The following ZNF562 variants were observed in gnomAD, a reference collection of about 807,000 sequenced individuals.
The protein encoded by ZNF562 is zinc finger protein 562.
Under a neutral mutation model 17.5 loss-of-function variants are expected in ZNF562, and 13 were observed. That is an observed-to-expected ratio of 0.74 (90% confidence interval 0.48 to 1.18). The LOEUF is 1.18. Among genes scored for constraint, ZNF562 ranks in the 50% most tolerant of loss-of-function variants. ZNF562 has a pLI of 0.00. For missense variants in ZNF562, 481 were observed against 498.5 expected, an observed-to-expected ratio of 0.96 and a Z score of 0.33; for synonymous variants, 163 against 165.4, an observed-to-expected ratio of 0.99 and a Z score of 0.11.
intron 1 of ZNF562, among the ~76,000 whole-genome samples, chr19:9,664,588 G>A (rs779915355): frequency 6.6e-6 from 1 of 152,166 alleles, no homozygotes; most frequent in Non-Finnish European, 1.5e-5. Flanking sequence ...GCACGGTTTG[G>A]CTTATGGATG....
At chr19:9,657,732 A>G (rs2043564682) in intron 4 of ZNF562, among the ~76,000 whole-genome samples, 1 of 151,792 alleles carries the variant, frequency 6.6e-6, no homozygotes, top group African/African-American at 2.4e-5. Flanking sequence ...CATTTTTAGT[A>G]GAGACAGGGT....
chr19:9,657,927 G>C, intron 4 of ZNF562, 82 bp downstream of exon 4: 1 of 1,496,184 alleles, frequency 6.7e-7, no homozygotes, highest in Non-Finnish European at 9.0e-7. Context: ...CCAGGCTCCA[G>C]CGATTCTCCC....
At position 9,649,800 on chromosome 19, in the gene ZNF562, A is replaced by C. The variant is rs573115285; in HGVS notation, c.*3149T>G. On this transcript the variant is annotated 3_prime_UTR_variant, in exon 6 of 6. Coordinates refer to ENST00000453372, the MANE Select transcript of ZNF562 (RefSeq NM_001130031.2). ...TCCACTTGCCTTGTGATATTCTATT[A>C]CCTTGTAAAGTACTTGATGTCTGTG... The C allele has an allele frequency of 5.3e-5, 8 of 152,226 alleles. 1 individual carries two copies. In the East Asian group the frequency reaches 1.5e-3, roughly 29 times the overall value. The allele number at this position is 152,226 out of a possible 1,614,324, so 9.4% of individuals were successfully genotyped here.
intron 5 of ZNF562, among the ~76,000 whole-genome samples, chr19:9,654,361 T>G (rs1190235762): frequency 2.0e-5 from 3 of 152,172 alleles, no homozygotes; most frequent in Admixed American, 6.6e-5. Flanking sequence ...TGATCATGGC[T>G]CACTGTAACC....
At chr19:9,661,719 C>T (rs556995831) in intron 1 of ZNF562, among the ~76,000 whole-genome samples, 53 of 152,184 alleles carry the variant, frequency 3.5e-4, no homozygotes, top group African/African-American at 1.1e-3. Context: ...CGCTTGACCC[C>T]GGGAGGTGGA....
intron 1 of ZNF562, among the ~76,000 whole-genome samples, chr19:9,669,483 G>C (rs200682735): frequency 6.6e-6 from 1 of 152,126 alleles, no homozygotes. Flanking sequence ...ATGGTGAAAA[G>C]ATAATCCTTG....
Position 9,650,141 on chromosome 19 carries a change from A to G in ZNF562, c.*2808T>C, listed in dbSNP as rs2144949257. 6.6e-6 allele frequency: 1 copy of G among 152,298 alleles called. No homozygotes were observed. The highest frequency in any genetic ancestry group is 1.5e-5 in the Non-Finnish European group (1 of 68,034). The allele number at this position is 152,298 out of a possible 1,614,324, so 9.4% of individuals were successfully genotyped here. Reference sequence around the variant, plus strand: ...AGAGTGCATATCTCACCAGAACTGCAAAGACAAGTATGCTGGTATTACTAC... The same window carrying G: ...AGAGTGCATATCTCACCAGAACTGCGAAGACAAGTATGCTGGTATTACTAC... On this transcript the variant is annotated 3_prime_UTR_variant, in exon 6 of 6. Transcript: ENST00000453372.
At chr19:9,662,932 C>G (rs972477326) in intron 1 of ZNF562, among the ~76,000 whole-genome samples, 1 of 151,346 alleles carries the variant, frequency 6.6e-6, no homozygotes, top group African/African-American at 2.4e-5. Context: ...GAGAATCACT[C>G]GAACCCGGGA....
In ZNF562 at chr19:9,655,717, C is replaced by CTTT. The variant is rs58199071; in HGVS notation, c.348+827_348+829dup. Among the ~76,000 whole-genome samples, 216 of 48,682 alleles carry CTTT rather than the reference C, an allele frequency of 4.4e-3. 4 individuals carry two copies. The highest frequency in any genetic ancestry group is 5.0e-3 in the Non-Finnish European group (142 of 28,138). The allele number at this position is 48,682 out of a possible 152,430, so 31.9% of individuals were successfully genotyped here. ...TTACAGGATTCACTTTCTTTTCTTT[C>CTTT]TTTTTTTTTTTTTTTTTTTTTTTTT... On this transcript the variant is annotated intron_variant, in intron 5 of 5. Coordinates refer to ENST00000453372, the MANE Select transcript of ZNF562 (RefSeq NM_001130031.2).
intron 3 of ZNF562, 162 bp from the exon 4 acceptor site, chr19:9,658,297 A>C (rs1053587687): frequency 3.6e-5 from 35 of 985,246 alleles, no homozygotes; most frequent in Admixed American, 2.5e-4. Context: ...TGTCTAAACA[A>C]TCAAGGTTGA....
Position 9,652,760 on chromosome 19 carries a change from T to TA in ZNF562, c.*188dup, listed in dbSNP as rs2074888660. Reference sequence around the variant, plus strand: ...TAATTAAAGATGGCAACCAATGGGCTAAATGGTAACAACACTCATATCCTT... The same window carrying TA: ...TAATTAAAGATGGCAACCAATGGGCTAAAATGGTAACAACACTCATATCCTT... On this transcript the variant is annotated 3_prime_UTR_variant, in exon 6 of 6. Coordinates refer to ENST00000453372, the MANE Select transcript of ZNF562 (RefSeq NM_001130031.2). 1 of 499,114 alleles carries TA rather than the reference T, an allele frequency of 2.0e-6. No individual in the cohort carries two copies. The highest frequency in any genetic ancestry group is 3.3e-6 in the Non-Finnish European group (1 of 298,648). The allele number at this position is 499,114 out of a possible 1,614,324, so 30.9% of individuals were successfully genotyped here.
In ZNF562 at chr19:9,660,578, C is replaced by A. The variant is rs541979053; in HGVS notation, c.25+142G>T. The A allele has an allele frequency of 3.2e-5, 25 of 769,344 alleles. No individual in the cohort carries two copies. In the African/African-American group the frequency reaches 4.1e-4, roughly 13 times the overall value. 47.7% of individuals were successfully genotyped at this position (769,344 alleles called of 1,614,324 possible). On this transcript the variant is annotated intron_variant, in intron 2 of 5. Coordinates refer to ENST00000453372, the MANE Select transcript of ZNF562 (RefSeq NM_001130031.2). Reference sequence around the variant, plus strand: ...CTAAGATCATGCCATTGCACTTCAGCCTGGGCAACAAGAGCAAAACTCCAT... The same window carrying A: ...CTAAGATCATGCCATTGCACTTCAGACTGGGCAACAAGAGCAAAACTCCAT...
chr19:9,659,598 C>G (rs1264215276), intron 2 of ZNF562, 131 bp from the exon 3 acceptor site: 3 of 1,147,794 alleles, frequency 2.6e-6, no homozygotes, highest in East Asian at 2.6e-5. Context: ...CACAACACTT[C>G]CATGAAATGC....
At chr19:9,670,789 G>A (rs1264118318) in intron 1 of ZNF562, among the ~76,000 whole-genome samples, 1 of 152,210 alleles carries the variant, frequency 6.6e-6, no homozygotes, top group South Asian at 2.1e-4. Context: ...TGTGAGATCA[G>A]GAGTTCGAGA....
At position 9,648,259 on chromosome 19, in the gene ZNF562, A is replaced by T. The variant is rs1237450387; in HGVS notation, c.*4690T>A. 1 of 152,234 alleles carries T rather than the reference A, an allele frequency of 6.6e-6. No homozygotes were observed. The highest frequency in any genetic ancestry group is 6.5e-5 in the Admixed American group (1 of 15,276). 9.4% of individuals were successfully genotyped at this position (152,234 alleles called of 1,614,324 possible). Reference sequence around the variant, plus strand: ...GAGCTTATCCAGGAATACAAGGTTGATGTAACATTGGAAAAGCAATAAATA... The same window carrying T: ...GAGCTTATCCAGGAATACAAGGTTGTTGTAACATTGGAAAAGCAATAAATA... On this transcript the variant is annotated 3_prime_UTR_variant, in exon 6 of 6. Transcript: ENST00000453372.
chr19:9,652,805 C>A lies in ZNF562; in HGVS notation c.*144G>T, dbSNP rs999328148. ...ATCCTTACATTCATAGTATTTCTCC[C>A]CAGTGTGAATTCTTTCATGCATACT... On this transcript the variant is annotated 3_prime_UTR_variant, in exon 6 of 6. Coordinates refer to ENST00000453372, the MANE Select transcript of ZNF562 (RefSeq NM_001130031.2). 25 of 680,028 alleles carry A rather than the reference C, an allele frequency of 3.7e-5. No homozygotes were observed. Among genetic ancestry groups the A allele is most frequent in the Non-Finnish European group, 5.6e-5 (24 of 428,330 alleles). 42.1% of individuals were successfully genotyped at this position (680,028 alleles called of 1,614,324 possible).
At chr19:9,671,257 T>C (rs1215703264) in intron 1 of ZNF562, among the ~76,000 whole-genome samples, 1 of 152,162 alleles carries the variant, frequency 6.6e-6, no homozygotes, top group Non-Finnish European at 1.5e-5. Flanking sequence ...CTATTATGAA[T>C]CAAAAAAATT....
chr19:9,654,134 G>T (rs777989453), intron 5 of ZNF562, among the ~76,000 whole-genome samples: 1 of 152,004 alleles, frequency 6.6e-6, no homozygotes, highest in South Asian at 2.1e-4. Flanking sequence ...GGAAATACAG[G>T]TGTGCACTAC....
Position 9,654,017 on chromosome 19 carries a change from G to A in ZNF562, c.349-136C>T, listed in dbSNP as rs192788755. ...ATTTTTTTTTTTTTTTTGAGACAGAGTCTTGTTCTATCTCCCAGTCTACAG... is the reference window on the plus strand; with the variant it reads ...ATTTTTTTTTTTTTTTTGAGACAGAATCTTGTTCTATCTCCCAGTCTACAG... On this transcript the variant is annotated intron_variant, in intron 5 of 5. Transcript: ENST00000453372. The A allele has an allele frequency of 1.2e-5, 12 of 1,032,644 alleles. No homozygotes were observed. In the East Asian group the frequency reaches 3.1e-4, roughly 27 times the overall value. 64.0% of individuals were successfully genotyped at this position (1,032,644 alleles called of 1,614,324 possible).
Sources: gnomAD v4.1 joint callset for allele counts (sites outside exome capture counted in the v4.1 genomes callset) on GRCh38, gnomAD v4.1.1 for gene constraint, MANE v1.5 for transcripts, NCBI Gene and HGNC (gene_info 2026-07-23, HGNC 2026-07-21) for gene names.